Variants in NKAIN2 observed in about 807,000 individuals in gnomAD.
The protein encoded by NKAIN2 is sodium/potassium transporting ATPase interacting 2.
Under a neutral mutation model 32.6 loss-of-function variants are expected in NKAIN2, and 14 were observed. The observed-to-expected ratio is 0.43, with a 90% CI of 0.28 to 0.67. The LOEUF (loss-of-function observed/expected upper bound fraction) is 0.67. Ranked by LOEUF, NKAIN2 falls within the 30% of genes least tolerant of loss-of-function variation. The pLI is 0.17. For missense variants in NKAIN2, 198 were observed against 258.3 expected (o/e 0.77, Z 1.60); for synonymous variants, 80 against 87.2 (o/e 0.92, Z 0.46).
At chr6:124,695,535 A>G (rs1774457328) in intron 4 of NKAIN2, among the ~76,000 whole-genome samples, 1 of 152,238 alleles carries the variant, frequency 6.6e-6, no homozygotes, top group African/African-American at 2.4e-5. Flanking sequence ...ACATAATGCA[A>G]TGGTCTTATA....
intron 1 of NKAIN2, among the ~76,000 whole-genome samples, chr6:124,036,550 A>G (rs1781611641): frequency 6.6e-6 from 1 of 152,134 alleles, no homozygotes; most frequent in Admixed American, 6.6e-5. Context: ...TTCACTCTAA[A>G]TATAACGGAT....
Position 124,638,960 on chromosome 6 carries a change from G to A in NKAIN2, c.274-19226G>A, listed in dbSNP as rs114832828. Among the ~76,000 whole-genome samples, 1,253 of 150,806 alleles carry A rather than the reference G, an allele frequency of 8.3e-3. 15 individuals are homozygous for A. The highest frequency in any genetic ancestry group is 0.029 in the African/African-American group (1,191 of 41,020). ...CTTTTTAAAAGAAGATATACAATTG[G>A]CCCATAAGCATATGAAAAAATAATC... On this transcript the variant is annotated intron_variant, in intron 3 of 6. Coordinates refer to ENST00000368417, the MANE Select transcript of NKAIN2 (RefSeq NM_001040214.3).
intron 1 of NKAIN2, among the ~76,000 whole-genome samples, chr6:123,893,607 T>C (rs1332989986): frequency 2.0e-5 from 3 of 152,226 alleles, no homozygotes; most frequent in Non-Finnish European, 4.4e-5. Context: ...TGCCTGCAGC[T>C]TGTAAGTGAC....
At chr6:124,135,509 C>T (rs1399023546) in intron 1 of NKAIN2, among the ~76,000 whole-genome samples, 2 of 38,514 alleles carry the variant, frequency 5.2e-5, no homozygotes, top group Non-Finnish European at 8.8e-5. Flanking sequence ...TTTAAAGCAA[C>T]GATAGTAAAA....
At chr6:124,708,651 G>A (rs1275111500) in intron 4 of NKAIN2, among the ~76,000 whole-genome samples, 3 of 151,786 alleles carry the variant, frequency 2.0e-5, no homozygotes, top group African/African-American at 7.3e-5. Context: ...TCTGTTGTTG[G>A]TGTATAAGAA....
intron 1 of NKAIN2, among the ~76,000 whole-genome samples, chr6:124,173,821 T>C (rs1329347621): frequency 1.3e-5 from 2 of 152,148 alleles, no homozygotes; most frequent in South Asian, 2.1e-4. Context: ...ATTAGATTGA[T>C]ACTTAGTGGA....
chr6:124,689,510 G>A (rs536457461), intron 4 of NKAIN2, among the ~76,000 whole-genome samples: 17 of 152,212 alleles, frequency 1.1e-4, no homozygotes, highest in Non-Finnish European at 7.4e-5. Flanking sequence ...TGCAAAGACA[G>A]TGTCATGTCT....
intron 1 of NKAIN2, among the ~76,000 whole-genome samples, chr6:123,963,405 A>G (rs1777938818): frequency 1.3e-5 from 2 of 152,134 alleles, no homozygotes; most frequent in South Asian, 2.1e-4. Flanking sequence ...TGCTTCCCCT[A>G]TTACAGGGAA....
chr6:124,634,652 A>G (rs1355483089), intron 3 of NKAIN2, among the ~76,000 whole-genome samples: 1 of 152,124 alleles, frequency 6.6e-6, no homozygotes, highest in East Asian at 1.9e-4. Context: ...AGATTGGAAA[A>G]GCCATAGAAA....
chr6:123,905,061 A>C (rs1774795509), intron 1 of NKAIN2, among the ~76,000 whole-genome samples: 1 of 152,144 alleles, frequency 6.6e-6, no homozygotes, highest in Non-Finnish European at 1.5e-5. Context: ...TTGCTAAGAA[A>C]ATTTATCCAT....
intron 3 of NKAIN2, among the ~76,000 whole-genome samples, chr6:124,438,595 C>T (rs1001206760): frequency 1.3e-5 from 2 of 152,152 alleles, no homozygotes; most frequent in Non-Finnish European, 2.9e-5. Context: ...CTCTCTGTTC[C>T]ACTTTTTGCA....
At chr6:124,187,247 A>G (rs2114571300) in intron 1 of NKAIN2, among the ~76,000 whole-genome samples, 1 of 152,260 alleles carries the variant, frequency 6.6e-6, no homozygotes, top group East Asian at 1.9e-4. Context: ...TCATAACCTA[A>G]CCTACCTTGG....
chr6:124,474,862 T>TCATATACATATATAA (rs200088035), intron 3 of NKAIN2, among the ~76,000 whole-genome samples: 1 of 139,452 alleles, frequency 7.2e-6, no homozygotes, highest in Non-Finnish European at 1.6e-5. Flanking sequence ...CATATATATT[T>TCATATACATATATAA]TATATACATA....
At chr6:123,944,441 T>C (rs1335921440) in intron 1 of NKAIN2, among the ~76,000 whole-genome samples, 1 of 152,032 alleles carries the variant, frequency 6.6e-6, no homozygotes, top group East Asian at 1.9e-4. Flanking sequence ...CCCCACCTCA[T>C]GTGTAGCCTT....
At chr6:124,408,622 A>G (rs1202916269) in intron 3 of NKAIN2, among the ~76,000 whole-genome samples, 1 of 152,152 alleles carries the variant, frequency 6.6e-6, no homozygotes, top group East Asian at 1.9e-4. Context: ...GTTTGAAGTC[A>G]GGTAGTGTGA....
At chr6:124,253,610 C>G (rs922415220) in intron 1 of NKAIN2, among the ~76,000 whole-genome samples, 2 of 152,074 alleles carry the variant, frequency 1.3e-5, no homozygotes, top group African/African-American at 4.8e-5. Flanking sequence ...TCAATTACTA[C>G]TATTATTTAC....
intron 4 of NKAIN2, among the ~76,000 whole-genome samples, chr6:124,689,543 G>A (rs1774159742): frequency 6.6e-6 from 1 of 152,036 alleles, no homozygotes; most frequent in Non-Finnish European, 1.5e-5. Context: ...CCAAACCAAT[G>A]TCATCTAGAT....
At chr6:124,559,724 G>C (rs1780614313) in intron 3 of NKAIN2, among the ~76,000 whole-genome samples, 1 of 151,932 alleles carries the variant, frequency 6.6e-6, no homozygotes, top group South Asian at 2.1e-4. Context: ...ACATAGAGGG[G>C]ATGCCACGTC....
At chr6:124,726,438 G>C (rs1776315494) in intron 4 of NKAIN2, among the ~76,000 whole-genome samples, 3 of 152,118 alleles carry the variant, frequency 2.0e-5, no homozygotes, top group Admixed American at 6.5e-5. Context: ...GCACCCCCCA[G>C]CAGGGGCACA....
Sources: gnomAD v4.1 joint callset for allele counts (sites outside exome capture counted in the v4.1 genomes callset) on GRCh38, gnomAD v4.1.1 for gene constraint, MANE v1.5 for transcripts, NCBI Gene and HGNC (gene_info 2026-07-23, HGNC 2026-07-21) for gene names.